Variants in USP15 observed in about 807,000 individuals in gnomAD.
USP15 encodes ubiquitin carboxyl-terminal hydrolase 15.
Under a neutral mutation model 127.1 loss-of-function variants are expected in USP15, and 18 were observed. That is an observed-to-expected ratio of 0.14 (90% CI 0.10 to 0.21). The LOEUF is 0.21. Among genes scored for constraint, USP15 ranks in the 10% least tolerant of loss-of-function variants. The pLI is 1.00. For synonymous variants in USP15, 364 were observed against 393.7 expected (o/e 0.92, Z 0.89); for missense variants, 805 against 1,159.9 (o/e 0.69, Z 4.44).
At chr12:62,392,499 A>G (rs2067355370) in intron 18 of USP15, 112 bp downstream of exon 18, 1 of 739,246 alleles carries the variant, frequency 1.4e-6, no homozygotes, top group East Asian at 2.9e-5. Context: ...TGTTTTAAAT[A>G]GTAAAGGATT....
Position 62,390,913 on chromosome 12 carries a change from C to T in USP15, c.1894C>T (p.His632Tyr), listed in dbSNP as rs554181894. The part of the protein sequence containing the change: ...TETEETEGSL[H>Y]CCKDQNINGN... ...AACTGAAGAAACTGAAGGATCCCTA[C>T]ACTGCTGTAAGGACCAAAATATTAA... Residue 632 changes from histidine (H) to tyrosine (Y), a missense_variant, in exon 15 of 22, where the codon CAC (histidine) becomes TAC (tyrosine). By Grantham distance (83) the His-to-Tyr change is moderately conservative. Around this residue, in one of 11 missense-constraint regions of USP15, gnomAD observed 225 missense variants for 239.5 expected, o/e 0.94. Transcript: ENST00000280377. The T allele has an allele frequency of 2.7e-4, 440 of 1,612,720 alleles. 14 individuals are homozygous for T. The South Asian group carries it at 4.6e-3, about 17-fold the overall frequency.
chr12:62,374,495 A>T, intron 8 of USP15: 1 of 985,726 alleles, frequency 1.0e-6, no homozygotes, highest in South Asian at 4.7e-5. Flanking sequence ...ACAAAAGACA[A>T]CTTTCTCTTT....
chr12:62,301,802 T>C (rs1469276117), intron 2 of USP15, among the ~76,000 whole-genome samples: 1 of 152,196 alleles, frequency 6.6e-6, no homozygotes, highest in Non-Finnish European at 1.5e-5. Flanking sequence ...GTTCTCATTA[T>C]TGAAATGCTA....
intron 1 of USP15, chr12:62,274,073 T>C (rs1387071673): frequency 6.6e-6 from 1 of 152,130 alleles, no homozygotes; most frequent in Non-Finnish European, 1.5e-5. Context: ...ATTTAAAGTT[T>C]GGTGTAATGA....
At chr12:62,291,672 GT>G (rs935554990) in intron 1 of USP15, among the ~76,000 whole-genome samples, 1 of 152,170 alleles carries the variant, frequency 6.6e-6, no homozygotes, top group African/African-American at 2.4e-5. Context: ...GAACGAGACT[GT>G]TTTCCCTTGA....
Position 62,325,952 on chromosome 12 carries a change from T to G in USP15, c.683+19T>G. 1 of 1,600,888 alleles carries G rather than the reference T, an allele frequency of 6.2e-7. No individual in the cohort carries two copies. The highest frequency in any genetic ancestry group is 8.5e-7 in the Non-Finnish European group (1 of 1,172,486). On this transcript the variant is annotated intron_variant, in intron 6 of 21. Coordinates refer to ENST00000280377, the MANE Select transcript of USP15 (RefSeq NM_001252078.2). ...CTCCTAAGTAAGTGCTCCCACTTCT[T>G]ATGGCTTATTGTATGATTTTGAAGC...
intron 3 of USP15, chr12:62,304,753 G>A: frequency 2.2e-6 from 1 of 450,670 alleles, no homozygotes; most frequent in Non-Finnish European, 4.5e-6. Flanking sequence ...AAGAGAAACA[G>A]CAGACAATAG....
chr12:62,344,454 A>G (rs1434911635), intron 6 of USP15, among the ~76,000 whole-genome samples: 4 of 152,176 alleles, frequency 2.6e-5, no homozygotes, highest in Non-Finnish European at 5.9e-5. Flanking sequence ...GTGGCTTTGC[A>G]GGGTGTAGCC....
rs185588882 is a variant in USP15, at chr12:62,351,860, A to T, written c.770+2553A>T. Among the ~76,000 whole-genome samples, 515 of 151,260 alleles carry T rather than the reference A, an allele frequency of 3.4e-3. 4 individuals carry two copies. The highest frequency in any genetic ancestry group is 0.012 in the African/African-American group (501 of 41,070). The stretch of plus-strand genomic sequence containing the variant: ...GATTATCTTTCTTAGTAAGGAACAG[A>T]ACTTAAGCATTCGTAAAATGGAAAG... On this transcript the variant is annotated intron_variant, in intron 7 of 21. Transcript: ENST00000280377.
intron 21 of USP15, among the ~76,000 whole-genome samples, chr12:62,402,330 G>A (rs2067718937): frequency 6.6e-6 from 1 of 151,944 alleles, no homozygotes; most frequent in South Asian, 2.1e-4. Context: ...TTAAAAGATA[G>A]CTATCTCTGA....
At chr12:62,336,146 C>T (rs540235493) in intron 6 of USP15, 2 of 985,416 alleles carry the variant, frequency 2.0e-6, no homozygotes, top group Admixed American at 6.1e-5. Flanking sequence ...CCTCTTTTAT[C>T]ATACCATAGT....
At chr12:62,338,417 T>C (rs1003089890) in intron 6 of USP15, among the ~76,000 whole-genome samples, 1 of 152,206 alleles carries the variant, frequency 6.6e-6, no homozygotes, top group Non-Finnish European at 1.5e-5. Flanking sequence ...TTTCTCCCAT[T>C]CTGTAGGTTG....
chr12:62,341,055 C>G (rs1370116865), intron 6 of USP15, among the ~76,000 whole-genome samples: 2 of 152,158 alleles, frequency 1.3e-5, no homozygotes, highest in Non-Finnish European at 2.9e-5. Context: ...AATCTGGGTG[C>G]TCCTATATTG....
intron 11 of USP15, among the ~76,000 whole-genome samples, chr12:62,387,215 T>G (rs2067179784): frequency 6.6e-6 from 1 of 152,172 alleles, no homozygotes; most frequent in Non-Finnish European, 1.5e-5. Context: ...TAGCTATAAA[T>G]TGGACAATCA....
At position 62,412,252 on chromosome 12, in the gene USP15, C is replaced by T. The variant is rs2068056421; in HGVS notation, c.*7877C>T. 6.6e-6 allele frequency: 1 copy of T among 152,222 alleles called. No homozygotes were observed. Among genetic ancestry groups the T allele is most frequent in the Non-Finnish European group, 1.5e-5 (1 of 68,048 alleles). The allele number at this position is 152,222 out of a possible 1,614,324, so 9.4% of individuals were successfully genotyped here. On this transcript the variant is annotated 3_prime_UTR_variant, in exon 22 of 22. Transcript: ENST00000280377. Reference sequence around the variant, plus strand: ...AAAAATGCTAAATAACCATCAGAGCCTTCAGCAAGTAGTAATGTTTTTGCT... The same window carrying T: ...AAAAATGCTAAATAACCATCAGAGCTTTCAGCAAGTAGTAATGTTTTTGCT...
intron 8 of USP15, among the ~76,000 whole-genome samples, chr12:62,359,449 G>T (rs892422220): frequency 2.0e-5 from 3 of 152,032 alleles, no homozygotes; most frequent in Non-Finnish European, 1.5e-5. Context: ...TAAGGGTTAC[G>T]TGAGTTGATG....
rs139947885 is a variant in USP15 at position 62,370,208 on chromosome 12, G to A, written c.916-11282G>A. On this transcript the variant is annotated intron_variant, in intron 8 of 21. Coordinates refer to ENST00000280377, the MANE Select transcript of USP15 (RefSeq NM_001252078.2). Reference sequence around the variant, plus strand: ...GGCCTCCCAAAGTGCTGGGATTACAGGCATGAGCCACCACGCCTGGCCTTG... The same window carrying A: ...GGCCTCCCAAAGTGCTGGGATTACAAGCATGAGCCACCACGCCTGGCCTTG... Among the ~76,000 whole-genome samples, 236 of 152,278 alleles carry A rather than the reference G, an allele frequency of 1.5e-3. 2 individuals carry two copies. In the Middle Eastern group the frequency reaches 0.024, roughly 15 times the overall value.
At position 62,314,790 on chromosome 12, in the gene USP15, G is replaced by A; in HGVS notation, c.349G>A (p.Val117Met). The A allele has an allele frequency of 6.4e-7, 1 of 1,557,454 alleles. No individual in the cohort carries two copies. Among genetic ancestry groups the A allele is most frequent in the Non-Finnish European group, 8.7e-7 (1 of 1,151,470 alleles). The part of the protein sequence containing the change: ...MEGQEPIARK[V>M]VEQGMFVKHC... ...GATTTGTTTTGTTTCATTATTTTAG[G>A]TGGTTGAACAGGGTATGTTTGTAAA... Residue 117 changes from valine to methionine, a missense_variant and splice_region_variant, in exon 4 of 22, where the codon GTG becomes ATG. Physicochemically the swap from Val to Met is conservative, Grantham distance 21. Coordinates refer to ENST00000280377, the MANE Select transcript of USP15 (RefSeq NM_001252078.2).
intron 3 of USP15, among the ~76,000 whole-genome samples, chr12:62,307,728 ATACAC>A (rs2064527392): frequency 6.6e-6 from 1 of 152,124 alleles, no homozygotes. Context: ...CATGGACACT[ATACAC>A]TACCTTCCCG....
Sources: gnomAD v4.1 joint callset for allele counts (sites outside exome capture counted in the v4.1 genomes callset) on GRCh38, gnomAD v4.1.1 for gene constraint, gnomAD v4.1.1 regional missense constraint, MANE v1.5 for transcripts, NCBI Gene and HGNC (gene_info 2026-07-23, HGNC 2026-07-21) for gene names.